The following CHD6 variants were observed in gnomAD, a reference collection of about 807,000 sequenced individuals.
CHD6 encodes the protein chromodomain helicase DNA binding protein 6.
CHD6 carries 50 observed loss-of-function variants against 276.9 expected under a neutral mutation model. That is an observed-to-expected ratio of 0.18 (90% CI 0.14 to 0.23). The LOEUF (loss-of-function observed/expected upper bound fraction) is 0.23. Ranked by LOEUF, CHD6 falls within the 10% of genes least tolerant of loss-of-function variation. The probability of loss-of-function intolerance (pLI) is 1.00; values close to 1 mark genes in which losing one functional copy is unlikely to be tolerated. For missense variants in CHD6, 2,564 were observed against 3,365.8 expected, an observed-to-expected ratio of 0.76 and a Z score of 5.89; for synonymous variants, 1,173 against 1,229.3, an observed-to-expected ratio of 0.95 and a Z score of 0.96.
chr20:41,498,811 A>ATG (rs71193638), intron 6 of CHD6, among the ~76,000 whole-genome samples: 13,551 of 86,114 alleles, frequency 0.16, 807 homozygotes, highest in South Asian at 0.22. Flanking sequence ...GTATGTATGT[A>ATG]TGTGTGTGTG....
At chr20:41,597,749 C>T (rs2045733075) in intron 1 of CHD6, among the ~76,000 whole-genome samples, 1 of 151,888 alleles carries the variant, frequency 6.6e-6, no homozygotes, top group Non-Finnish European at 1.5e-5. Context: ...TTCTCTTTCC[C>T]TTAGCTACCC....
chr20:41,466,457 A>G (rs113205491), intron 17 of CHD6, among the ~76,000 whole-genome samples: 1,893 of 152,332 alleles, frequency 0.012, 46 homozygotes, highest in African/African-American at 0.043. Context: ...TTGCTGAACA[A>G]TTCAGTTGTG....
At chr20:41,434,659 C>T (rs931649136) in intron 27 of CHD6, among the ~76,000 whole-genome samples, 1 of 152,074 alleles carries the variant, frequency 6.6e-6, no homozygotes, top group Non-Finnish European at 1.5e-5. Flanking sequence ...CATGAGTCAC[C>T]GCGCCTGGCA....
rs2043450144 is a variant in CHD6 at position 41,487,653 on chromosome 20, G to C, written c.2001+12C>G. On this transcript the variant is annotated intron_variant, in intron 14 of 36. Transcript: ENST00000373233. ...TCACACTGTCTCCTCAATTCTTTGG[G>C]TCCCTAATTACCTGCTCCTCTGTTT... 1.9e-6 allele frequency: 3 copies of C among 1,591,732 alleles called. No homozygotes were observed. The highest frequency in any genetic ancestry group is 1.7e-4 in the Middle Eastern group (1 of 5,992).
intron 2 of CHD6, chr20:41,547,527 G>T: frequency 2.2e-6 from 1 of 446,020 alleles, no homozygotes. Flanking sequence ...AAGACCCCTG[G>T]GTCTGTCTCC....
intron 27 of CHD6, among the ~76,000 whole-genome samples, chr20:41,436,067 C>A (rs1040919236): frequency 6.6e-6 from 1 of 151,976 alleles, no homozygotes; most frequent in African/African-American, 2.4e-5. Context: ...AAGGGATCCT[C>A]CCTAAAAAGA....
chr20:41,506,815 C>T (rs1022969151), intron 5 of CHD6, among the ~76,000 whole-genome samples: 1 of 152,156 alleles, frequency 6.6e-6, no homozygotes, highest in African/African-American at 2.4e-5. Context: ...CCTTTTGTTC[C>T]TTGGTGTTAT....
intron 17 of CHD6, chr20:41,462,094 C>G (rs2145722874): frequency 6.6e-6 from 1 of 152,246 alleles, no homozygotes; most frequent in Middle Eastern, 3.4e-3. Context: ...TTTCTAGTGC[C>G]TACTCAGTGG....
At chr20:41,499,144 G>T (rs1334305190) in intron 6 of CHD6, 151 bp downstream of exon 6, 2 of 555,314 alleles carry the variant, frequency 3.6e-6, no homozygotes, top group Non-Finnish European at 6.3e-6. Context: ...CTCTACAGGG[G>T]TAAAAATAAG....
chr20:41,569,646 T>A (rs754976890), intron 1 of CHD6, among the ~76,000 whole-genome samples: 11 of 152,146 alleles, frequency 7.2e-5, no homozygotes, highest in Middle Eastern at 3.2e-3. Context: ...TATCACCTCC[T>A]GCATATACAG....
chr20:41,584,673 T>C (rs117136865), intron 1 of CHD6, among the ~76,000 whole-genome samples: 3 of 151,966 alleles, frequency 2.0e-5, no homozygotes, highest in Non-Finnish European at 4.4e-5. Flanking sequence ...ATCAGGAAAA[T>C]CCATAAATAA....
chr20:41,579,710 T>A (rs2045515842), intron 1 of CHD6, among the ~76,000 whole-genome samples: 1 of 152,180 alleles, frequency 6.6e-6, no homozygotes, highest in Non-Finnish European at 1.5e-5. Context: ...ATAAACAAGA[T>A]GTCTTGATAC....
intron 2 of CHD6, among the ~76,000 whole-genome samples, chr20:41,540,561 C>T (rs1398524053): frequency 6.6e-6 from 1 of 152,192 alleles, no homozygotes; most frequent in Non-Finnish European, 1.5e-5. Context: ...TGAGAGGTGT[C>T]AGCACTGAGA....
At chr20:41,579,126 T>C (rs1457986607) in intron 1 of CHD6, among the ~76,000 whole-genome samples, 1 of 77,274 alleles carries the variant, frequency 1.3e-5, no homozygotes, top group African/African-American at 7.8e-5. Context: ...CGAGACTCCA[T>C]CTCAAAAAAA....
At chr20:41,596,564 C>T (rs969407254) in intron 1 of CHD6, among the ~76,000 whole-genome samples, 11 of 151,580 alleles carry the variant, frequency 7.3e-5, no homozygotes, top group African/African-American at 2.4e-4. Flanking sequence ...GCCCAAGACC[C>T]GCAATGGGAT....
chr20:41,546,288 G>A (rs935414200), intron 2 of CHD6, among the ~76,000 whole-genome samples: 5 of 152,058 alleles, frequency 3.3e-5, no homozygotes, highest in African/African-American at 1.2e-4. Flanking sequence ...TTTTCTAGAG[G>A]ACCTAAGAAT....
intron 16 of CHD6, among the ~76,000 whole-genome samples, chr20:41,481,246 A>G (rs1258274973): frequency 6.6e-6 from 1 of 151,978 alleles, no homozygotes; most frequent in Non-Finnish European, 1.5e-5. Flanking sequence ...AGTTGTTTTA[A>G]GACAAAGATT....
intron 1 of CHD6, among the ~76,000 whole-genome samples, chr20:41,554,443 G>C (rs1379931792): frequency 2.6e-5 from 4 of 151,358 alleles, no homozygotes; most frequent in Non-Finnish European, 5.9e-5. Context: ...CGCAGAGGGG[G>C]ATTTGGCAGG....
At chr20:41,516,913 G>A (rs1326142980) in intron 3 of CHD6, among the ~76,000 whole-genome samples, 1 of 152,130 alleles carries the variant, frequency 6.6e-6, no homozygotes, top group East Asian at 1.9e-4. Context: ...GCCAACACTG[G>A]TACTTCCCAT....
Sources: gnomAD v4.1 joint callset for allele counts (sites outside exome capture counted in the v4.1 genomes callset) on GRCh38, gnomAD v4.1.1 for gene constraint, MANE v1.5 for transcripts, NCBI Gene and HGNC (gene_info 2026-07-23, HGNC 2026-07-21) for gene names.